Variants in MAP4K4 observed in about 807,000 individuals in gnomAD.
The protein encoded by MAP4K4 is HPK/GCK-like kinase HGK.
In MAP4K4, 38 loss-of-function variants were observed where a neutral mutation model predicts 189.6. The ratio of observed to expected loss-of-function variants is 0.20; its 90% CI spans 0.15 to 0.26. MAP4K4 has a LOEUF of 0.26. Among genes scored for constraint, MAP4K4 ranks in the 10% least tolerant of loss-of-function variants. The pLI is 1.00. For synonymous variants in MAP4K4, 610 were observed against 624.3 expected, an observed-to-expected ratio of 0.98 and a Z score of 0.34; for missense variants, 1,054 against 1,726.9, an observed-to-expected ratio of 0.61 and a Z score of 6.91.
chr2:101,797,889 G>GTGTTTTTT (rs1553478618), intron 3 of MAP4K4, among the ~76,000 whole-genome samples: 5,465 of 52,170 alleles, frequency 0.1, 1,520 homozygotes, highest in Admixed American at 0.15. Context: ...CATTCTTTTA[G>GTGTTTTTT]TTTTTTTTTT....
chr2:101,743,739 C>T (rs1242132549), intron 2 of MAP4K4, among the ~76,000 whole-genome samples: 1 of 152,118 alleles, frequency 6.6e-6, no homozygotes, highest in African/African-American at 2.4e-5. Context: ...GTCACTGCAA[C>T]CTCTTCCTTC....
intron 2 of MAP4K4, 132 bp downstream of exon 2, chr2:101,698,670 C>T (rs2036132356): frequency 2.6e-6 from 2 of 770,252 alleles, no homozygotes; most frequent in Non-Finnish European, 4.5e-6. Flanking sequence ...GGGTTTCTTT[C>T]GCCTTGCAGT....
intron 2 of MAP4K4, among the ~76,000 whole-genome samples, chr2:101,770,884 A>G (rs1275164626): frequency 6.6e-6 from 1 of 152,196 alleles, no homozygotes. Flanking sequence ...ACCAGAATCT[A>G]GATGAATGTG....
exon 24 of MAP4K4, chr2:101,871,560 T>G (rs538087124): frequency 6.5e-7 from 1 of 1,536,306 alleles, no homozygotes; most frequent in African/African-American, 1.4e-5. Context: ...CATTCACCTC[T>G]TGCCAGATCT....
chr2:101,795,253 A>G (rs542157385), intron 3 of MAP4K4, among the ~76,000 whole-genome samples: 2 of 152,324 alleles, frequency 1.3e-5, no homozygotes, highest in South Asian at 2.1e-4. Context: ...CAACCTTTCA[A>G]CTAATGGCTT....
chr2:101,885,761 A>T (rs1283978621), intron 29 of MAP4K4, among the ~76,000 whole-genome samples: 1 of 152,242 alleles, frequency 6.6e-6, no homozygotes, highest in Non-Finnish European at 1.5e-5. Flanking sequence ...ATTTCATATG[A>T]TTCCATTTTT....
intron 3 of MAP4K4, among the ~76,000 whole-genome samples, chr2:101,804,447 A>G (rs537501289): frequency 1.3e-5 from 2 of 152,230 alleles, no homozygotes; most frequent in South Asian, 2.1e-4. Context: ...AATTCTGCCT[A>G]GATGGAAACC....
Position 101,866,632 on chromosome 2 carries a change from A to G in MAP4K4, c.2356+53A>G, listed in dbSNP as rs1260239635. On this transcript the variant is annotated intron_variant, in intron 19 of 32. Transcript: ENST00000324219. ...CTGCTAATGTTTTGAGCTGTGATCC[A>G]TATCTTGGAAGTTTGTCTTAATCTG... is the stretch of plus-strand genomic sequence containing the variant. The G allele has an allele frequency of 2.5e-6, 4 of 1,585,522 alleles. No individual in the cohort carries two copies. In the East Asian group the frequency reaches 6.8e-5, roughly 27 times the overall value.
intron 17 of MAP4K4, among the ~76,000 whole-genome samples, 165 bp downstream of exon 17, chr2:101,864,216 A>G (rs1256965048): frequency 6.6e-6 from 1 of 152,160 alleles, no homozygotes; most frequent in Admixed American, 6.5e-5. Context: ...TAGTTAGGCA[A>G]TTCTGTTTAG....
intron 2 of MAP4K4, among the ~76,000 whole-genome samples, chr2:101,784,987 C>T (rs1279916554): frequency 6.6e-6 from 1 of 152,152 alleles, no homozygotes; most frequent in African/African-American, 2.4e-5. Flanking sequence ...TGTTCACTAA[C>T]TGCCCCAAGA....
intron 8 of MAP4K4, among the ~76,000 whole-genome samples, chr2:101,835,056 G>A (rs912540207): frequency 2.0e-5 from 3 of 152,118 alleles, no homozygotes; most frequent in South Asian, 2.1e-4. Context: ...TGTCTGGCAC[G>A]GCACATAGTT....
intron 2 of MAP4K4, among the ~76,000 whole-genome samples, chr2:101,723,677 T>G (rs1483083931): frequency 6.6e-6 from 1 of 152,236 alleles, no homozygotes; most frequent in Non-Finnish European, 1.5e-5. Flanking sequence ...AAGTATTAAC[T>G]GCTTGTTTTT....
At chr2:101,713,020 C>T (rs909510464) in intron 2 of MAP4K4, among the ~76,000 whole-genome samples, 1 of 151,358 alleles carries the variant, frequency 6.6e-6, no homozygotes, top group African/African-American at 2.4e-5. Flanking sequence ...TCTCGTGCCT[C>T]AGCCTCCTGA....
chr2:101,873,355 A>T (rs1414639050), intron 24 of MAP4K4, among the ~76,000 whole-genome samples: 1 of 151,822 alleles, frequency 6.6e-6, no homozygotes, highest in Non-Finnish European at 1.5e-5. Flanking sequence ...ATTTTTTTTT[A>T]AAGCTAGGCA....
intron 2 of MAP4K4, among the ~76,000 whole-genome samples, chr2:101,730,915 C>T (rs997712346): frequency 2.6e-5 from 4 of 151,548 alleles, no homozygotes; most frequent in Non-Finnish European, 4.4e-5. Flanking sequence ...GGCACGATGG[C>T]GGGCACCTGT....
exon 17 of MAP4K4, chr2:101,864,031 A>G (rs1237428159): frequency 6.6e-6 from 9 of 1,364,758 alleles, no homozygotes; most frequent in South Asian, 5.7e-5. Flanking sequence ...TAGATCAGAC[A>G]GTGACGAGGT....
chr2:101,873,532 A>C, intron 24 of MAP4K4, 115 bp from the exon 25 acceptor site: 1 of 628,636 alleles, frequency 1.6e-6, no homozygotes, highest in Non-Finnish European at 2.8e-6. Context: ...GATGCAAGGC[A>C]AATAGAGCAA....
intron 3 of MAP4K4, among the ~76,000 whole-genome samples, chr2:101,821,956 A>G (rs891300300): frequency 3.3e-5 from 5 of 152,194 alleles, no homozygotes; most frequent in Admixed American, 1.3e-4. Context: ...AGGCCTACAC[A>G]TGGTCAGGCT....
chr2:101,804,365 G>C (rs2094695116), intron 3 of MAP4K4, among the ~76,000 whole-genome samples: 1 of 152,184 alleles, frequency 6.6e-6, no homozygotes, highest in Admixed American at 6.5e-5. Flanking sequence ...TCATGGTGGG[G>C]TGAAAGAATT....
Sources: gnomAD v4.1 joint callset for allele counts (sites outside exome capture counted in the v4.1 genomes callset) on GRCh38, gnomAD v4.1.1 for gene constraint, MANE v1.5 for transcripts, NCBI Gene and HGNC (gene_info 2026-07-23, HGNC 2026-07-21) for gene names.